Variants in MAN1A2 observed in about 807,000 individuals in gnomAD.
MAN1A2 encodes the protein mannosyl-oligosaccharide 1,2-alpha-mannosidase IB.
Under a neutral mutation model 75.7 loss-of-function variants are expected in MAN1A2, and 26 were observed. That is an observed-to-expected ratio of 0.34 (90% CI 0.25 to 0.48). The LOEUF (loss-of-function observed/expected upper bound fraction) is 0.48, where lower values mean the gene tolerates loss of function less well. Ranked by LOEUF, MAN1A2 falls within the 20% of genes least tolerant of loss-of-function variation. The pLI, the probability that MAN1A2 is intolerant of heterozygous loss-of-function variation, is 0.99. For missense variants in MAN1A2, 562 were observed against 775.5 expected (o/e 0.72, Z 3.27); for synonymous variants, 247 against 264.6 (o/e 0.93, Z 0.65).
At chr1:117,451,325 C>T (rs1021296572) in intron 6 of MAN1A2, among the ~76,000 whole-genome samples, 1 of 152,250 alleles carries the variant, frequency 6.6e-6, no homozygotes, top group African/African-American at 2.4e-5. Flanking sequence ...CCTGTACACC[C>T]ATTGTATCTA....
chr1:117,443,865 G>A (rs527774529), intron 6 of MAN1A2, among the ~76,000 whole-genome samples: 42 of 151,996 alleles, frequency 2.8e-4, no homozygotes, highest in African/African-American at 9.2e-4. Context: ...CTACCTCAGT[G>A]CTGCGATTAT....
At chr1:117,509,452 C>T (rs561005265) in intron 12 of MAN1A2, among the ~76,000 whole-genome samples, 13 of 151,940 alleles carry the variant, frequency 8.6e-5, no homozygotes, top group Admixed American at 2.6e-4. Context: ...TATTCTTTTT[C>T]GTTGTTGTTA....
At chr1:117,479,137 A>T (rs932767796) in intron 8 of MAN1A2, among the ~76,000 whole-genome samples, 1 of 151,680 alleles carries the variant, frequency 6.6e-6, no homozygotes, top group East Asian at 2.0e-4. Context: ...ATGTGTTCTC[A>T]TCATTCTGCA....
intron 12 of MAN1A2, among the ~76,000 whole-genome samples, chr1:117,506,562 G>T (rs1651378902): frequency 6.6e-6 from 1 of 151,484 alleles, no homozygotes; most frequent in Non-Finnish European, 1.5e-5. Context: ...TCCTTCAAAG[G>T]TTCTAAAACT....
rs1246739266 is a variant in MAN1A2, at chr1:117,382,657, C to T, written c.302+14172C>T. On this transcript the variant is annotated intron_variant, in intron 1 of 12. Transcript: ENST00000356554. Reference sequence around the variant, plus strand: ...TTCTTTTGGCTTAGGATTGACTTGGCGATGCGGGCTCTTTTTTGGTTCCAT... The same window carrying T: ...TTCTTTTGGCTTAGGATTGACTTGGTGATGCGGGCTCTTTTTTGGTTCCAT... 3.9e-5 allele frequency among the ~76,000 whole-genome samples: 6 copies of T among 152,156 alleles called. No homozygotes were observed. In the South Asian group the frequency reaches 6.2e-4, roughly 16 times the overall value.
intron 5 of MAN1A2, among the ~76,000 whole-genome samples, chr1:117,421,837 A>G (rs1037619960): frequency 1.4e-4 from 22 of 152,270 alleles, no homozygotes; most frequent in South Asian, 4.1e-4. Flanking sequence ...AAACTTTAGT[A>G]TGTATTAGAA....
At chr1:117,452,199 T>A (rs949313982) in intron 6 of MAN1A2, among the ~76,000 whole-genome samples, 22 of 151,276 alleles carry the variant, frequency 1.5e-4, no homozygotes, top group African/African-American at 5.3e-4. Context: ...CCCAGCTACT[T>A]GGGAGGTTGA....
Position 117,501,350 on chromosome 1 carries a change from C to T in MAN1A2, c.1678-1505C>T, listed in dbSNP as rs185177715. Among the ~76,000 whole-genome samples the T allele has an allele frequency of 3.3e-5, 5 of 151,826 alleles. No homozygotes were observed. In the East Asian group the frequency reaches 9.7e-4, roughly 30 times the overall value. ...GAGGGAGGAATGGAGGCAAAAGAGGCGGTGTCATATCTTAAATAGTATTTG... is the reference window on the plus strand; with the variant it reads ...GAGGGAGGAATGGAGGCAAAAGAGGTGGTGTCATATCTTAAATAGTATTTG... On this transcript the variant is annotated intron_variant, in intron 11 of 12. Coordinates refer to ENST00000356554, the MANE Select transcript of MAN1A2 (RefSeq NM_006699.5).
rs1440679093 is a variant in MAN1A2, at chr1:117,524,400, T to C, written c.*1443T>C. On this transcript the variant is annotated 3_prime_UTR_variant, in exon 13 of 13. Transcript: ENST00000356554. Reference sequence around the variant, plus strand: ...ATTTATGTGACAGTGCAAGATACTTTTGCTCTTTTCATTTAATATAGGCAT... The same window carrying C: ...ATTTATGTGACAGTGCAAGATACTTCTGCTCTTTTCATTTAATATAGGCAT... 1 of 151,896 alleles carries C rather than the reference T, an allele frequency of 6.6e-6. No homozygotes were observed. The highest frequency in any genetic ancestry group is 1.5e-5 in the Non-Finnish European group (1 of 67,810). 9.4% of individuals were successfully genotyped at this position (151,896 alleles called of 1,614,324 possible).
chr1:117,420,024 T>G (rs1648135475), intron 4 of MAN1A2, among the ~76,000 whole-genome samples: 1 of 152,108 alleles, frequency 6.6e-6, no homozygotes, highest in South Asian at 2.1e-4. Flanking sequence ...GTGAAATTAG[T>G]ATTTATGTTA....
chr1:117,385,777 G>T (rs1464388895), intron 1 of MAN1A2, among the ~76,000 whole-genome samples: 1 of 152,150 alleles, frequency 6.6e-6, no homozygotes, highest in Non-Finnish European at 1.5e-5. Context: ...TGCAGAAAAG[G>T]TATTTATTGG....
Position 117,442,213 on chromosome 1 carries a change from T to G in MAN1A2, c.856-18T>G, listed in dbSNP as rs763648506. On this transcript the variant is annotated intron_variant, in intron 5 of 12. Transcript: ENST00000356554. ...ACTAATGGCTATAATTTATGAATATTCATGTTTTAAATCTCAGATATTCAA... is the reference window on the plus strand; with the variant it reads ...ACTAATGGCTATAATTTATGAATATGCATGTTTTAAATCTCAGATATTCAA... The G allele has an allele frequency of 6.8e-7, 1 of 1,470,054 alleles. No individual in the cohort carries two copies. The highest frequency in any genetic ancestry group is 9.5e-7 in the Non-Finnish European group (1 of 1,048,590). 91.1% of individuals were successfully genotyped at this position (1,470,054 alleles called of 1,614,324 possible).
chr1:117,521,378 C>T (rs768597984), intron 12 of MAN1A2, among the ~76,000 whole-genome samples: 18 of 151,862 alleles, frequency 1.2e-4, no homozygotes, highest in Non-Finnish European at 2.5e-4. Flanking sequence ...AGACAACCCA[C>T]AGAGTGGGAG....
In MAN1A2 at chr1:117,513,620, A is replaced by G. The variant is rs148347205; in HGVS notation, c.1794-9205A>G. 3.3e-3 allele frequency among the ~76,000 whole-genome samples: 507 copies of G among 151,830 alleles called. 4 individuals carry two copies. Among genetic ancestry groups the G allele is most frequent in the African/African-American group, 0.011 (477 of 41,508 alleles). On this transcript the variant is annotated intron_variant, in intron 12 of 12. Transcript: ENST00000356554. ...TCATCCCTTAAAAGTAATTTCATCT[A>G]ATTTACTATTATTAAATAAATATTA... is the stretch of plus-strand genomic sequence containing the variant.
In MAN1A2 at chr1:117,442,269, C is replaced by T. The variant is rs748323996; in HGVS notation, c.894C>T (p.Leu298=). ...AAGCAGTGCAATTGGCTGAGAAACTCCTTCCTGCCTTTAACACACCTACTG... is the reference window on the plus strand; with the variant it reads ...AAGCAGTGCAATTGGCTGAGAAACTTCTTCCTGCCTTTAACACACCTACTG... ...KIKAVQLAEK[L]LPAFNTPTGI... The change falls in exon 6 of 13, where the codon CTC becomes CTT. Residue 298 remains leucine, a synonymous_variant. Transcript: ENST00000356554. The T allele has an allele frequency of 2.5e-6, 4 of 1,612,394 alleles. No homozygotes were observed. In the African/African-American group the frequency reaches 5.3e-5, roughly 22 times the overall value.
intron 6 of MAN1A2, among the ~76,000 whole-genome samples, chr1:117,458,911 C>T (rs1261189133): frequency 6.6e-6 from 1 of 152,120 alleles, no homozygotes; most frequent in Non-Finnish European, 1.5e-5. Context: ...TCCAGGAACT[C>T]TGCTGCTTGA....
intron 7 of MAN1A2, among the ~76,000 whole-genome samples, chr1:117,463,980 G>A (rs1026476779): frequency 2.0e-5 from 3 of 152,124 alleles, no homozygotes; most frequent in Admixed American, 2.0e-4. Flanking sequence ...AGATTAAAAA[G>A]ATAATAGATT....
At chr1:117,376,355 G>C (rs1653145324) in intron 1 of MAN1A2, among the ~76,000 whole-genome samples, 1 of 152,230 alleles carries the variant, frequency 6.6e-6, no homozygotes, top group African/African-American at 2.4e-5. Flanking sequence ...CGCTTATTAT[G>C]TAACCATGTC....
chr1:117,442,400 A>C, intron 6 of MAN1A2, 75 bp downstream of exon 6: 1 of 904,718 alleles, frequency 1.1e-6, no homozygotes, highest in South Asian at 1.5e-5. Context: ...CTAATGAGTC[A>C]CCCCCACATT....
Sources: allele counts gnomAD v4.1 joint callset (sites outside exome capture counted in the v4.1 genomes callset), GRCh38; gene constraint gnomAD v4.1.1; transcripts MANE v1.5; gene names NCBI Gene and HGNC (gene_info 2026-07-23, HGNC 2026-07-21).